GRID2: variants seen among roughly 807,000 people sequenced by gnomAD.
GRID2 encodes glutamate ionotropic receptor delta type subunit 2.
Under a neutral mutation model 114.8 loss-of-function variants are expected in GRID2, and 33 were observed. The ratio of observed to expected loss-of-function variants is 0.29; its 90% CI spans 0.22 to 0.38. The LOEUF (loss-of-function observed/expected upper bound fraction) is 0.38. GRID2 is among the 10% of genes least tolerant of loss of function. The pLI is 1.00. For synonymous variants in GRID2, 505 were observed against 449.9 expected, an observed-to-expected ratio of 1.12 and a Z score of -1.55; for missense variants, 1,184 against 1,257.7, an observed-to-expected ratio of 0.94 and a Z score of 0.89.
rs188016557 is a variant in GRID2 at position 93,490,652 on chromosome 4, G to A, written c.1872G>A (p.Pro624=). The change falls in exon 12 of 16, where the codon CCG becomes CCA. Residue 624 remains proline, a synonymous_variant. Transcript: ENST00000282020. ...GSFVQQGGEV[P]YTTLATRMMM... The stretch of plus-strand genomic sequence containing the variant: ...TTCTTTCTACAGGCGGGGAAGTCCC[G>A]TACACGACTCTGGCTACCCGAATGA... 429 of 1,608,008 alleles carry A rather than the reference G, an allele frequency of 2.7e-4. 3 individuals carry two copies. In the East Asian group the frequency reaches 4.8e-3, roughly 18 times the overall value.
In GRID2 at chr4:92,611,042, GTAGCTGTATATATATA is replaced by G. The variant is rs1201337861; in HGVS notation, c.244+20758_244+20773del. 1.2e-3 allele frequency among the ~76,000 whole-genome samples: 177 copies of G among 149,094 alleles called. 1 individual carries two copies. The highest frequency in any genetic ancestry group is 1.1e-3 in the Non-Finnish European group (71 of 66,956). On this transcript the variant is annotated intron_variant, in intron 2 of 15. Coordinates refer to ENST00000282020, the MANE Select transcript of GRID2 (RefSeq NM_001510.4). ...TCTGTGTGTGTGTGTGTGTGTGTGT[GTAGCTGTATATATATA>G]TGTGTGTGTGTATATATATATGTGT...
intron 8 of GRID2, among the ~76,000 whole-genome samples, chr4:93,369,110 A>T (rs1762624953): frequency 6.6e-6 from 1 of 152,118 alleles, no homozygotes; most frequent in South Asian, 2.1e-4. Flanking sequence ...AAAAGTTCAC[A>T]AGCAAGGTAT....
chr4:92,871,486 T>C (rs1745276076), intron 2 of GRID2, among the ~76,000 whole-genome samples: 1 of 152,172 alleles, frequency 6.6e-6, no homozygotes, highest in Non-Finnish European at 1.5e-5. Flanking sequence ...GATTACAATT[T>C]GTTTTAAGTT....
chr4:93,128,053 A>G (rs1325330908), intron 4 of GRID2, among the ~76,000 whole-genome samples: 3 of 144,760 alleles, frequency 2.1e-5, no homozygotes, highest in Admixed American at 6.9e-5. Flanking sequence ...AAAAAAAAAA[A>G]AAAAAACAAC....
intron 10 of GRID2, among the ~76,000 whole-genome samples, chr4:93,454,684 A>G (rs1255226794): frequency 2.0e-5 from 3 of 152,068 alleles, no homozygotes; most frequent in Non-Finnish European, 4.4e-5. Flanking sequence ...GTTACTTTTC[A>G]TATCTTTCTT....
chr4:93,387,339 A>T (rs1482247577), intron 8 of GRID2, among the ~76,000 whole-genome samples: 1 of 152,182 alleles, frequency 6.6e-6, no homozygotes, highest in Non-Finnish European at 1.5e-5. Context: ...GTTAGGTAAT[A>T]TCATTATTCC....
chr4:92,554,437 T>C (rs1385350917), intron 1 of GRID2, among the ~76,000 whole-genome samples: 1 of 152,212 alleles, frequency 6.6e-6, no homozygotes, highest in African/African-American at 2.4e-5. Context: ...AAGACCATTT[T>C]TTTCAAATTT....
At chr4:92,760,334 C>T (rs888543274) in intron 2 of GRID2, among the ~76,000 whole-genome samples, 6 of 150,632 alleles carry the variant, frequency 4.0e-5, no homozygotes, top group African/African-American at 1.5e-4. Flanking sequence ...CCTTTCAGTA[C>T]TAAAGGATTC....
intron 14 of GRID2, among the ~76,000 whole-genome samples, chr4:93,757,915 C>T (rs1272650012): frequency 1.3e-5 from 2 of 152,110 alleles, no homozygotes; most frequent in African/African-American, 4.8e-5. Context: ...CGAGATCGCA[C>T]CATTGTACTC....
At chr4:93,351,896 G>A (rs1429483622) in intron 8 of GRID2, among the ~76,000 whole-genome samples, 1 of 151,962 alleles carries the variant, frequency 6.6e-6, no homozygotes, top group African/African-American at 2.4e-5. Flanking sequence ...TAAGCTCCTT[G>A]AAGTCAGGGA....
At chr4:93,452,753 G>A (rs1027691031) in intron 10 of GRID2, among the ~76,000 whole-genome samples, 4 of 151,994 alleles carry the variant, frequency 2.6e-5, no homozygotes, top group African/African-American at 9.7e-5. Context: ...TGTAAAAAGT[G>A]GACAAGTGAG....
intron 1 of GRID2, among the ~76,000 whole-genome samples, chr4:92,556,333 A>T (rs2149177581): frequency 6.6e-6 from 1 of 152,288 alleles, no homozygotes; most frequent in Non-Finnish European, 1.5e-5. Flanking sequence ...ATTTGAAATC[A>T]AATTTTAGAG....
At chr4:92,605,425 A>C (rs1003413484) in intron 2 of GRID2, among the ~76,000 whole-genome samples, 3 of 135,014 alleles carry the variant, frequency 2.2e-5, no homozygotes, top group African/African-American at 7.9e-5. Flanking sequence ...AGGAATGTAT[A>C]GTCTACTAGG....
chr4:92,619,583 A>G (rs1055372861), intron 2 of GRID2, among the ~76,000 whole-genome samples: 2 of 151,636 alleles, frequency 1.3e-5, no homozygotes, highest in African/African-American at 4.8e-5. Context: ...TGTTTTCTCT[A>G]CACACCATTC....
chr4:92,843,248 A>G (rs963612908), intron 2 of GRID2, among the ~76,000 whole-genome samples: 1 of 152,030 alleles, frequency 6.6e-6, no homozygotes, highest in African/African-American at 2.4e-5. Flanking sequence ...TCTCCGAAAA[A>G]AAATAAAATA....
chr4:93,807,721 G>GTAT (rs1735060004), exon 2 of GRID2: 1 of 152,176 alleles, frequency 6.6e-6, no homozygotes, highest in Non-Finnish European at 1.5e-5. Flanking sequence ...AATGCAAAAT[G>GTAT]TATTTTACAA....
At chr4:93,499,582 C>T (rs1046602981) in intron 12 of GRID2, among the ~76,000 whole-genome samples, 1 of 151,766 alleles carries the variant, frequency 6.6e-6, no homozygotes, top group Non-Finnish European at 1.5e-5. Flanking sequence ...ACTCAAAACC[C>T]CCTTCTCTTC....
intron 4 of GRID2, among the ~76,000 whole-genome samples, chr4:93,206,629 C>CACAT (rs56783928): frequency 4.0e-5 from 6 of 151,292 alleles, no homozygotes; most frequent in Non-Finnish European, 8.9e-5. Context: ...CACACACACA[C>CACAT]GCATGCACAC....
chr4:93,238,575 C>A, intron 8 of GRID2, 85 bp downstream of exon 8: 35 of 1,062,498 alleles, frequency 3.3e-5, no homozygotes, highest in African/African-American at 6.7e-5. Flanking sequence ...ATCACAGTAC[C>A]CATTAAAGTC....
Sources: allele counts gnomAD v4.1 joint callset (sites outside exome capture counted in the v4.1 genomes callset), GRCh38; gene constraint gnomAD v4.1.1; transcripts MANE v1.5; gene names NCBI Gene and HGNC (gene_info 2026-07-23, HGNC 2026-07-21).